The following LARGE1 variants were observed in gnomAD, a reference collection of about 807,000 sequenced individuals.
LARGE1 encodes LARGE xylosyl- and glucuronyltransferase 1.
In LARGE1, 43 loss-of-function variants were observed where a neutral mutation model predicts 87.6. That is an observed-to-expected ratio of 0.49 (90% CI 0.38 to 0.63). LARGE1 has a LOEUF of 0.63. Ranked by LOEUF, LARGE1 falls within the 30% of genes least tolerant of loss-of-function variation. LARGE1 has a pLI of 0.00. For synonymous variants in LARGE1, 434 were observed against 394.6 expected, an observed-to-expected ratio of 1.10 and a Z score of -1.18; for missense variants, 802 against 1,000.2, an observed-to-expected ratio of 0.80 and a Z score of 2.67.
chr22:33,508,218 C>T (rs927118913), intron 6 of LARGE1, among the ~76,000 whole-genome samples: 4 of 152,174 alleles, frequency 2.6e-5, no homozygotes, highest in Non-Finnish European at 5.9e-5. Context: ...TCCCACCCTG[C>T]TCAATTTAAT....
chr22:33,130,313 C>CAAAAAAAAA, the LARGE1 span, among the ~76,000 whole-genome samples: 515 of 56,984 alleles, frequency 9.0e-3, 22 homozygotes, highest in East Asian at 0.015. Context: ...GATTCCGTCT[C>CAAAAAAAAA]AAAAAAAAAA....
intron 4 of LARGE1, among the ~76,000 whole-genome samples, chr22:33,624,120 A>C (rs1460217048): frequency 6.6e-6 from 1 of 152,236 alleles, no homozygotes; most frequent in Non-Finnish European, 1.5e-5. Context: ...GAACTGAACT[A>C]AGTCTGGGCT....
chr22:33,412,292 T>C (rs1437370102), intron 7 of LARGE1, among the ~76,000 whole-genome samples: 1 of 150,150 alleles, frequency 6.7e-6, no homozygotes, highest in East Asian at 1.9e-4. Flanking sequence ...CTCAAAGTCA[T>C]ATATATATAT....
At chr22:33,515,559 C>T (rs1302653934) in intron 6 of LARGE1, among the ~76,000 whole-genome samples, 1 of 152,134 alleles carries the variant, frequency 6.6e-6, no homozygotes, top group East Asian at 1.9e-4. Flanking sequence ...CGATCTTTCC[C>T]AGAACACTGG....
At chr22:33,905,992 T>C (rs527249012) in intron 1 of LARGE1, among the ~76,000 whole-genome samples, 1 of 152,092 alleles carries the variant, frequency 6.6e-6, no homozygotes, top group South Asian at 2.1e-4. Context: ...TAGCCAGACG[T>C]GGTGGCAGGC....
At chr22:33,536,358 T>C (rs1461134450) in intron 6 of LARGE1, among the ~76,000 whole-genome samples, 1 of 152,244 alleles carries the variant, frequency 6.6e-6, no homozygotes, top group Admixed American at 6.5e-5. Flanking sequence ...TCTCTACAAA[T>C]GGCCTTCTGT....
chr22:33,195,904 G>A (rs1202344102), intron 11 of LARGE1, among the ~76,000 whole-genome samples: 6 of 151,410 alleles, frequency 4.0e-5, no homozygotes, highest in East Asian at 3.9e-4. Flanking sequence ...ACAGGCGCCC[G>A]CCACCACGTC....
At chr22:33,321,777 G>T (rs1936737612) in intron 10 of LARGE1, among the ~76,000 whole-genome samples, 1 of 152,170 alleles carries the variant, frequency 6.6e-6, no homozygotes. Flanking sequence ...TGGAGAATGA[G>T]AAACACATGC....
At chr22:33,664,664 A>G (rs1758614324) in intron 2 of LARGE1, among the ~76,000 whole-genome samples, 1 of 152,192 alleles carries the variant, frequency 6.6e-6, no homozygotes, top group Admixed American at 6.5e-5. Context: ...CAAGAGATCA[A>G]GACCATCCTG....
chr22:33,579,272 G>A (rs1292440350), intron 5 of LARGE1, among the ~76,000 whole-genome samples: 2 of 152,192 alleles, frequency 1.3e-5, no homozygotes, highest in African/African-American at 4.8e-5. Flanking sequence ...CCCTGCACAA[G>A]CTCTCTCTTT....
the LARGE1 span, among the ~76,000 whole-genome samples, chr22:33,070,430 G>A: frequency 6.6e-6 from 1 of 152,208 alleles, no homozygotes; most frequent in African/African-American, 2.4e-5. Context: ...GTGGGTTAGA[G>A]AAGGTGGTGG....
At chr22:33,262,357 T>C (rs1444556726) in intron 11 of LARGE1, among the ~76,000 whole-genome samples, 1 of 152,172 alleles carries the variant, frequency 6.6e-6, no homozygotes, top group East Asian at 1.9e-4. Flanking sequence ...GAAAGTCCCA[T>C]TCCTTTCTGT....
At chr22:33,492,385 G>C (rs979298008) in intron 6 of LARGE1, among the ~76,000 whole-genome samples, 1 of 152,174 alleles carries the variant, frequency 6.6e-6, no homozygotes, top group African/African-American at 2.4e-5. Flanking sequence ...GCAAAGGAGT[G>C]GGGGGACTAC....
At chr22:33,881,683 C>G (rs2064688267) in intron 1 of LARGE1, among the ~76,000 whole-genome samples, 1 of 152,126 alleles carries the variant, frequency 6.6e-6, no homozygotes, top group Non-Finnish European at 1.5e-5. Flanking sequence ...GAATATAGAC[C>G]CATGGACCTT....
intron 11 of LARGE1, among the ~76,000 whole-genome samples, chr22:33,308,150 A>G (rs1310658145): frequency 6.6e-6 from 1 of 152,162 alleles, no homozygotes; most frequent in Non-Finnish European, 1.5e-5. Context: ...CAGTCTCTGT[A>G]GTCATAAAGG....
intron 13 of LARGE1, among the ~76,000 whole-genome samples, chr22:33,277,707 G>T (rs1043451908): frequency 6.6e-6 from 1 of 152,168 alleles, no homozygotes; most frequent in Non-Finnish European, 1.5e-5. Context: ...TGGACTTCCG[G>T]CCTCCAGAAT....
chr22:33,127,308 C>T, the LARGE1 span, among the ~76,000 whole-genome samples: 292 of 149,378 alleles, frequency 2.0e-3, 1 homozygote, highest in African/African-American at 7.0e-3. Flanking sequence ...ACGTTCCCTT[C>T]TCTTCCTAAG....
the LARGE1 span, among the ~76,000 whole-genome samples, chr22:33,144,672 C>T: frequency 6.6e-6 from 1 of 151,924 alleles, no homozygotes; most frequent in African/African-American, 2.4e-5. Context: ...ATAAAAATGC[C>T]AAAGGTGGTG....
chr22:33,583,975 C>T (rs1045437974), intron 5 of LARGE1, among the ~76,000 whole-genome samples: 6 of 152,154 alleles, frequency 3.9e-5, no homozygotes, highest in South Asian at 2.1e-4. Context: ...CAACTTTCCC[C>T]GCTGTGGGCA....
Sources: allele counts gnomAD v4.1 joint callset (sites outside exome capture counted in the v4.1 genomes callset), GRCh38; gene constraint gnomAD v4.1.1; transcripts MANE v1.5; gene names NCBI Gene and HGNC (gene_info 2026-07-23, HGNC 2026-07-21).